The following ENOX1 variants were observed in gnomAD, a reference collection of about 807,000 sequenced individuals.
ENOX1 encodes ecto-NOX disulfide-thiol exchanger 1.
A neutral mutation model predicts 82.5 loss-of-function variants in ENOX1; 42 were observed. The observed-to-expected ratio is 0.51, with a 90% CI of 0.40 to 0.66. The LOEUF (loss-of-function observed/expected upper bound fraction) is 0.66, where lower values mean the gene tolerates loss of function less well. Among genes scored for constraint, ENOX1 ranks in the 30% least tolerant of loss-of-function variants. The pLI is 0.00. For missense variants in ENOX1, 608 were observed against 811.6 expected, an observed-to-expected ratio of 0.75 and a Z score of 3.05; for synonymous variants, 271 against 282.2, an observed-to-expected ratio of 0.96 and a Z score of 0.40.
intron 1 of ENOX1, among the ~76,000 whole-genome samples, chr13:43,695,419 CCTTTTA>C (rs1283259410): frequency 5.3e-5 from 8 of 149,678 alleles, no homozygotes; most frequent in African/African-American, 1.7e-4. Context: ...GACCCATTCT[CCTTTTA>C]CTTTTAAAAA....
At chr13:43,475,273 C>T (rs2058232159) in intron 3 of ENOX1, among the ~76,000 whole-genome samples, 1 of 152,118 alleles carries the variant, frequency 6.6e-6, no homozygotes. Flanking sequence ...AAAGCATTTC[C>T]CTGCTGATTC....
intron 2 of ENOX1, among the ~76,000 whole-genome samples, chr13:43,645,170 C>G (rs2083836446): frequency 6.6e-6 from 1 of 152,038 alleles, no homozygotes; most frequent in South Asian, 2.1e-4. Context: ...TTATTTATAT[C>G]TTTAGAGAAG....
chr13:43,773,996 CATA>C (rs1951787905), intron 1 of ENOX1, among the ~76,000 whole-genome samples: 1 of 152,132 alleles, frequency 6.6e-6, no homozygotes, highest in South Asian at 2.1e-4. Context: ...TTCTAAAATT[CATA>C]ATAACTAGAT....
intron 2 of ENOX1, among the ~76,000 whole-genome samples, chr13:43,543,595 T>A (rs2078838499): frequency 6.6e-6 from 1 of 151,774 alleles, no homozygotes; most frequent in African/African-American, 2.4e-5. Flanking sequence ...ATGTTCATTT[T>A]TTACTTGTGT....
chr13:43,781,674 G>A lies in ENOX1; in HGVS notation c.-285+4978C>T, dbSNP rs1007992017. On this transcript the variant is annotated intron_variant, in intron 1 of 16. Coordinates refer to ENST00000690772, the MANE Select transcript of ENOX1 (RefSeq NM_001347969.2). ...GATTACAGGCATGCACCACCATCCC[G>A]GCTAATTTTGTATTTTTGTAGAGAC... Among the ~76,000 whole-genome samples, 5 of 152,040 alleles carry A rather than the reference G, an allele frequency of 3.3e-5. No homozygotes were observed. The East Asian group carries it at 5.8e-4, about 18-fold the overall frequency.
At chr13:43,322,908 C>T (rs1222968401) in intron 10 of ENOX1, among the ~76,000 whole-genome samples, 1 of 152,202 alleles carries the variant, frequency 6.6e-6, no homozygotes, top group Non-Finnish European at 1.5e-5. Context: ...ATGGACTGTT[C>T]TACCACTGAC....
intron 1 of ENOX1, among the ~76,000 whole-genome samples, chr13:43,756,966 C>CAA (rs756988052): frequency 5.6e-4 from 13 of 23,090 alleles, no homozygotes; most frequent in Non-Finnish European, 1.2e-3. Flanking sequence ...ACAACAAAAA[C>CAA]AACAACAAAA....
chr13:43,532,885 A>T (rs2078290765), intron 2 of ENOX1, among the ~76,000 whole-genome samples: 1 of 150,472 alleles, frequency 6.6e-6, no homozygotes, highest in Admixed American at 6.6e-5. Flanking sequence ...ATATACAAAT[A>T]TATTAAATAT....
At position 43,705,140 on chromosome 13, in the gene ENOX1, AGAG is replaced by A. The variant is rs1267245130; in HGVS notation, c.-284-37599_-284-37597del. On this transcript the variant is annotated intron_variant, in intron 1 of 16. Transcript: ENST00000690772. The stretch of plus-strand genomic sequence containing the variant: ...GAAAGGAGGAACAGAGAAACAAAAT[AGAG>A]GAGACAAATGGAAACCAAATAGCAA... Among the ~76,000 whole-genome samples, 11 of 152,080 alleles carry A rather than the reference AGAG, an allele frequency of 7.2e-5. No homozygotes were observed. The East Asian group carries it at 2.1e-3, about 29-fold the overall frequency.
intron 12 of ENOX1, among the ~76,000 whole-genome samples, chr13:43,292,646 A>G (rs1291726925): frequency 1.3e-5 from 2 of 152,042 alleles, no homozygotes; most frequent in African/African-American, 4.8e-5. Flanking sequence ...CCTATAAAAT[A>G]TTAGTGAATA....
chr13:43,513,265 C>T (rs145283132), intron 2 of ENOX1, among the ~76,000 whole-genome samples: 5,191 of 152,010 alleles, frequency 0.034, 300 homozygotes, highest in African/African-American at 0.12. Flanking sequence ...GCTGAGATCA[C>T]GCCACTGCAC....
intron 3 of ENOX1, among the ~76,000 whole-genome samples, chr13:43,470,319 C>CATATATATATGTATATATATACGT (rs2057966838): frequency 2.7e-5 from 1 of 37,526 alleles, no homozygotes; most frequent in African/African-American, 8.1e-5. Context: ...TATATATACA[C>CATATATATATGTATATATATACGT]ATATATATAT....
At chr13:43,680,273 T>C (rs1168078833) in intron 1 of ENOX1, among the ~76,000 whole-genome samples, 38 of 152,142 alleles carry the variant, frequency 2.5e-4, no homozygotes, top group Admixed American at 2.4e-3. Context: ...AGAAAAGAAG[T>C]AGATGCTTTC....
chr13:43,714,602 G>A lies in ENOX1; in HGVS notation c.-284-47058C>T, dbSNP rs369744578. ...GCTTCATGAATCTGGGTGCTCCTGT[G>A]TTGGGTGCATATATATTTAGGACAG... On this transcript the variant is annotated intron_variant, in intron 1 of 16. Transcript: ENST00000690772. Among the ~76,000 whole-genome samples the A allele has an allele frequency of 5.9e-3, 903 of 152,270 alleles. 8 individuals are homozygous for A. The highest frequency in any genetic ancestry group is 0.021 in the African/African-American group (867 of 41,544).
chr13:43,393,151 T>C (rs12100385), intron 5 of ENOX1, among the ~76,000 whole-genome samples: 7,429 of 152,260 alleles, frequency 0.049, 516 homozygotes, highest in African/African-American at 0.15. Flanking sequence ...AATTGCTGCT[T>C]GAAGAGAGTT....
rs118141245 is a variant in ENOX1 at position 43,501,323 on chromosome 13, T to G, written c.-218-17171A>C. 8.8e-3 allele frequency among the ~76,000 whole-genome samples: 1,341 copies of G among 151,926 alleles called. 10 individuals carry two copies. The highest frequency in any genetic ancestry group is 0.013 in the Non-Finnish European group (866 of 67,752). ...TAACAGGAAGATAACAGTAGTAGAC[T>G]TCAATAACTCATCTTCAATATGGAT... On this transcript the variant is annotated intron_variant, in intron 2 of 16. Transcript: ENST00000690772.
At chr13:43,253,447 A>G (rs1375670793) in intron 14 of ENOX1, among the ~76,000 whole-genome samples, 2 of 152,230 alleles carry the variant, frequency 1.3e-5, no homozygotes, top group South Asian at 4.1e-4. Flanking sequence ...TGCCCTTTGC[A>G]GCACTGCAGA....
intron 14 of ENOX1, among the ~76,000 whole-genome samples, chr13:43,264,076 G>T (rs2044234425): frequency 6.6e-6 from 1 of 152,172 alleles, no homozygotes; most frequent in Non-Finnish European, 1.5e-5. Flanking sequence ...AACCTTTCTT[G>T]ATTATCTAGC....
chr13:43,379,381 T>A (rs1003974173), intron 5 of ENOX1, among the ~76,000 whole-genome samples: 1 of 151,936 alleles, frequency 6.6e-6, no homozygotes, highest in Non-Finnish European at 1.5e-5. Flanking sequence ...GATGACAGAA[T>A]TCGTAGACAA....
Sources: allele counts gnomAD v4.1 joint callset (sites outside exome capture counted in the v4.1 genomes callset), GRCh38; gene constraint gnomAD v4.1.1; transcripts MANE v1.5; gene names NCBI Gene and HGNC (gene_info 2026-07-23, HGNC 2026-07-21).